Variants in CPNE3 observed in about 807,000 individuals in gnomAD.
CPNE3 encodes the protein copine-3.
CPNE3 carries 68 observed loss-of-function variants against 63.9 expected under a neutral mutation model. The ratio of observed to expected loss-of-function variants is 1.06; its 90% CI spans 0.87 to 1.30. The LOEUF (loss-of-function observed/expected upper bound fraction) is 1.30. CPNE3 is among the 50% of genes most tolerant of loss of function. The pLI, the probability that CPNE3 is intolerant of heterozygous loss-of-function variation, is 0.00. For synonymous variants in CPNE3, 219 were observed against 197.5 expected, an observed-to-expected ratio of 1.11 and a Z score of -0.91; for missense variants, 665 against 578.1, an observed-to-expected ratio of 1.15 and a Z score of -1.54.
At chr8:86,515,177 T>C (rs1233481766) in intron 1 of CPNE3, 1 of 152,238 alleles carries the variant, frequency 6.6e-6, no homozygotes, top group Non-Finnish European at 1.5e-5. Context: ...TTGGGTTCCC[T>C]ACACCAGGAT....
intron 1 of CPNE3, chr8:86,515,099 G>A (rs1820253070): frequency 6.6e-6 from 1 of 152,238 alleles, no homozygotes; most frequent in African/African-American, 2.4e-5. Flanking sequence ...GGTAAACAAG[G>A]AGATTGTGAG....
rs550213291 is a variant in CPNE3 at position 86,536,428 on chromosome 8, T to C, written c.460-1135T>C. ...TAACCTTCAAACAAGTATTGGTTTT[T>C]AGCCTTCAAAATAATAACAAGGATA... On this transcript the variant is annotated intron_variant, in intron 6 of 16. Coordinates refer to ENST00000517490, the MANE Select transcript of CPNE3 (RefSeq NM_003909.5). Among the ~76,000 whole-genome samples the C allele has an allele frequency of 6.6e-5, 10 of 151,850 alleles. No homozygotes were observed. In the South Asian group the frequency reaches 1.9e-3, roughly 29 times the overall value.
rs1230829659 is a variant in CPNE3 at position 86,548,151 on chromosome 8, T to C, written c.880-150T>C. 4.0e-6 allele frequency: 3 copies of C among 742,600 alleles called. No individual in the cohort carries two copies. The Admixed American group carries it at 9.0e-5, about 22-fold the overall frequency. The allele number at this position is 742,600 out of a possible 1,614,324, so 46.0% of individuals were successfully genotyped here. On this transcript the variant is annotated intron_variant, in intron 11 of 16. Coordinates refer to ENST00000517490, the MANE Select transcript of CPNE3 (RefSeq NM_003909.5). The stretch of plus-strand genomic sequence containing the variant: ...TTGTTTCACATTTAGGCTTTACTTG[T>C]TTAATTGTCTATGGAAATAGTGGTA...
intron 12 of CPNE3, among the ~76,000 whole-genome samples, chr8:86,550,771 T>C (rs1352550715): frequency 6.6e-6 from 1 of 152,214 alleles, no homozygotes; most frequent in African/African-American, 2.4e-5. Context: ...TACACAAGAT[T>C]TAAGTAGAAC....
In CPNE3 at chr8:86,553,484, A is replaced by C. The variant is rs143526791; in HGVS notation, c.1121-1367A>C. 5.7e-3 allele frequency among the ~76,000 whole-genome samples: 872 copies of C among 152,310 alleles called. 6 individuals are homozygous for C. Among genetic ancestry groups the C allele is most frequent in the African/African-American group, 0.02 (812 of 41,562 alleles). ...TATTTTTACTGTAAAGACATAGAAAAGGTACAGTTGCTATAATTGCCTACA... is the reference window on the plus strand; with the variant it reads ...TATTTTTACTGTAAAGACATAGAAACGGTACAGTTGCTATAATTGCCTACA... On this transcript the variant is annotated intron_variant, in intron 14 of 16. Transcript: ENST00000517490.
chr8:86,525,918 T>C (rs1181462567), intron 2 of CPNE3, among the ~76,000 whole-genome samples: 3 of 152,200 alleles, frequency 2.0e-5, no homozygotes, highest in Non-Finnish European at 4.4e-5. Context: ...CAACTCACAT[T>C]TATTTTACAG....
At chr8:86,546,118 C>T (rs7819287) in intron 9 of CPNE3, among the ~76,000 whole-genome samples, 7,731 of 152,000 alleles carry the variant, frequency 0.051, 315 homozygotes, top group African/African-American at 0.1. Context: ...ATCTTTGATG[C>T]ATATTTTACC....
chr8:86,549,760 A>G (rs548634535), intron 12 of CPNE3, among the ~76,000 whole-genome samples: 1 of 152,328 alleles, frequency 6.6e-6, no homozygotes, highest in Non-Finnish European at 1.5e-5. Flanking sequence ...GGGGTTCCAT[A>G]GCTCTGGTTC....
Position 86,528,696 on chromosome 8 carries a change from C to T in CPNE3, c.132+19C>T. On this transcript the variant is annotated intron_variant, in intron 3 of 16. Coordinates refer to ENST00000517490, the MANE Select transcript of CPNE3 (RefSeq NM_003909.5). ...GTATGAGGTAATGTCAAATACTTTA[C>T]CTAAAAAGTAATCTGAATTACCCTT... 1.3e-6 allele frequency: 2 copies of T among 1,587,266 alleles called. No homozygotes were observed. Among genetic ancestry groups the T allele is most frequent in the Non-Finnish European group, 1.7e-6 (2 of 1,170,586 alleles).
intron 13 of CPNE3, 24 bp from the exon 14 acceptor site, chr8:86,551,159 C>T (rs1228035866): frequency 2.5e-6 from 4 of 1,613,624 alleles, no homozygotes; most frequent in East Asian, 2.2e-5. Context: ...CAGCCCTCAT[C>T]AGTCCTTTGT....
intron 7 of CPNE3, among the ~76,000 whole-genome samples, chr8:86,538,339 C>T (rs1820852617): frequency 6.6e-6 from 1 of 152,108 alleles, no homozygotes; most frequent in African/African-American, 2.4e-5. Flanking sequence ...CGCACCACTG[C>T]ACTCCATCCC....
In CPNE3 at chr8:86,522,201, T is replaced by G. The variant is rs193158296; in HGVS notation, c.-10-6335T>G. Among the ~76,000 whole-genome samples, 470 of 152,274 alleles carry G rather than the reference T, an allele frequency of 3.1e-3. 2 individuals are homozygous for G. Among genetic ancestry groups the G allele is most frequent in the African/African-American group, 0.011 (449 of 41,556 alleles). ...GAGCTTCTTCAGCTCCAAGAGCACT[T>G]TGATTGTTCCCTGTCTGTACCACAC... On this transcript the variant is annotated intron_variant, in intron 2 of 16. Coordinates refer to ENST00000517490, the MANE Select transcript of CPNE3 (RefSeq NM_003909.5).
At chr8:86,530,690 ATTTT>A (rs34745647) in intron 4 of CPNE3, among the ~76,000 whole-genome samples, 44 of 135,782 alleles carry the variant, frequency 3.2e-4, no homozygotes, top group Non-Finnish European at 3.2e-4. Context: ...AAATATTTAG[ATTTT>A]TTTTTTTTTT....
intron 8 of CPNE3, among the ~76,000 whole-genome samples, chr8:86,541,836 C>A (rs114033448): frequency 6.6e-6 from 1 of 151,854 alleles, no homozygotes. Context: ...AATCCAGGTC[C>A]GAAATAAATA....
intron 5 of CPNE3, 66 bp downstream of exon 5, chr8:86,531,295 C>T: frequency 1.3e-6 from 1 of 798,024 alleles, no homozygotes; most frequent in Non-Finnish European, 2.2e-6. Flanking sequence ...CGAAACTGTC[C>T]ATATCAGAGA....
At chr8:86,547,900 A>C (rs1410424406) in intron 11 of CPNE3, 130 bp downstream of exon 11, 2 of 612,454 alleles carry the variant, frequency 3.3e-6, no homozygotes, top group Non-Finnish European at 5.7e-6. Flanking sequence ...TAGAGTCCTC[A>C]GGCAGGTTGT....
chr8:86,541,724 A>T (rs1820946519), intron 8 of CPNE3, among the ~76,000 whole-genome samples: 1 of 150,918 alleles, frequency 6.6e-6, no homozygotes, highest in South Asian at 2.1e-4. Flanking sequence ...AAAAAAAAAA[A>T]CTGCTTCATT....
chr8:86,556,271 G>C lies in CPNE3; in HGVS notation c.1424G>C (p.Arg475Pro). Residue 475 changes from arginine to proline, a missense_variant, in exon 16 of 17, where the codon CGC becomes CCC. By Grantham distance (103) the Arg-to-Pro change is moderately radical (BLOSUM62 -2). Coordinates refer to ENST00000517490, the MANE Select transcript of CPNE3 (RefSeq NM_003909.5). ...CTGGATGGTGATGGTGGAAGTCTCC[G>C]CTCCCCATTGGGCGAAGTGGCCATC... ...EFLDGDGGSL[R>P]SPLGEVAIRD... 1 of 873,000 alleles carries C rather than the reference G, an allele frequency of 1.1e-6. No homozygotes were observed. Among genetic ancestry groups the C allele is most frequent in the Middle Eastern group, 2.2e-4 (1 of 4,610 alleles). 54.1% of individuals were successfully genotyped at this position (873,000 alleles called of 1,614,324 possible).
chr8:86,520,545 A>T (rs1380212589), intron 2 of CPNE3, among the ~76,000 whole-genome samples: 1 of 148,596 alleles, frequency 6.7e-6, no homozygotes, highest in Non-Finnish European at 1.5e-5. Flanking sequence ...CAAGAGTGAA[A>T]GTCCATCTCA....
Sources: allele counts gnomAD v4.1 joint callset (sites outside exome capture counted in the v4.1 genomes callset), GRCh38; gene constraint gnomAD v4.1.1; transcripts MANE v1.5; gene names NCBI Gene and HGNC (gene_info 2026-07-23, HGNC 2026-07-21).